PDE4D: variants seen among roughly 807,000 people sequenced by gnomAD.
PDE4D encodes 3',5'-cyclic-AMP phosphodiesterase 4D.
In PDE4D, 24 loss-of-function variants were observed where a neutral mutation model predicts 87.4. The ratio of observed to expected loss-of-function variants is 0.27; its 90% CI spans 0.20 to 0.39. The LOEUF (loss-of-function observed/expected upper bound fraction) is 0.39, where lower values mean the gene tolerates loss of function less well. Among genes scored for constraint, PDE4D ranks in the 10% least tolerant of loss-of-function variants. PDE4D has a pLI of 1.00. For missense variants in PDE4D, 714 were observed against 1,041.0 expected (o/e 0.69, Z 4.32); for synonymous variants, 384 against 383.2 (o/e 1.00, Z -0.02).
intron 1 of PDE4D, among the ~76,000 whole-genome samples, chr5:59,669,498 G>A (rs759821094): frequency 1.3e-5 from 2 of 152,144 alleles, no homozygotes; most frequent in African/African-American, 2.4e-5. Context: ...GACAGATGAA[G>A]TGCTTTTTGA....
At chr5:60,406,478 G>A (rs1435579006) in intron 1 of PDE4D, among the ~76,000 whole-genome samples, 3 of 152,076 alleles carry the variant, frequency 2.0e-5, no homozygotes, top group Non-Finnish European at 4.4e-5. Context: ...AGAGTCCAGG[G>A]TTTCTAATAC....
chr5:59,679,164 C>G (rs1490717140), intron 1 of PDE4D, among the ~76,000 whole-genome samples: 9 of 152,306 alleles, frequency 5.9e-5, no homozygotes, highest in African/African-American at 2.2e-4. Flanking sequence ...CATAATAACT[C>G]AATCCTTATT....
intron 5 of PDE4D, among the ~76,000 whole-genome samples, chr5:59,086,686 C>T (rs1359364123): frequency 1.3e-5 from 2 of 152,140 alleles, no homozygotes; most frequent in Non-Finnish European, 2.9e-5. Context: ...TTTACCCTAT[C>T]TGCAGTTTTT....
At chr5:59,904,983 G>A (rs1752667627) in intron 3 of PDE4D, among the ~76,000 whole-genome samples, 1 of 151,918 alleles carries the variant, frequency 6.6e-6, no homozygotes, top group African/African-American at 2.4e-5. Context: ...AGTTTTTAAT[G>A]TGTTTGCTTG....
chr5:59,279,813 T>TTGTG (rs10664902), intron 1 of PDE4D, among the ~76,000 whole-genome samples: 4,204 of 148,342 alleles, frequency 0.028, 202 homozygotes, highest in African/African-American at 0.095. Flanking sequence ...ATGTGTGTGT[T>TTGTG]TGTGTGTGTG....
chr5:59,088,215 G>A (rs1008525812), intron 5 of PDE4D, among the ~76,000 whole-genome samples: 2 of 151,834 alleles, frequency 1.3e-5, no homozygotes, highest in African/African-American at 4.8e-5. Flanking sequence ...CATCATCCTT[G>A]CCTCCAAAAA....
intron 11 of PDE4D, among the ~76,000 whole-genome samples, chr5:58,978,906 ATAT>A (rs1170929389): frequency 6.6e-5 from 10 of 152,212 alleles, no homozygotes; most frequent in African/African-American, 1.9e-4. Context: ...TTCTTAGCAC[ATAT>A]TATTGTATTT....
chr5:59,387,176 CA>C (rs1787247257), intron 1 of PDE4D, among the ~76,000 whole-genome samples: 1 of 152,098 alleles, frequency 6.6e-6, no homozygotes, highest in African/African-American at 2.4e-5. Flanking sequence ...TGTAAGCAAA[CA>C]AAAAGTTAAC....
chr5:59,250,212 T>G (rs1172551857), intron 1 of PDE4D, among the ~76,000 whole-genome samples: 1 of 150,780 alleles, frequency 6.6e-6, no homozygotes, highest in African/African-American at 2.4e-5. Flanking sequence ...TTTTAAGGGC[T>G]GGGCATGGTG....
intron 1 of PDE4D, among the ~76,000 whole-genome samples, chr5:59,597,618 T>A (rs1315281876): frequency 6.6e-6 from 1 of 152,104 alleles, no homozygotes; most frequent in African/African-American, 2.4e-5. Context: ...AAAGGCAGAA[T>A]TCCTTTTTAG....
intron 1 of PDE4D, among the ~76,000 whole-genome samples, chr5:60,269,974 G>T (rs1750643646): frequency 1.3e-5 from 2 of 152,196 alleles, no homozygotes; most frequent in African/African-American, 4.8e-5. Flanking sequence ...TTTTATCTGA[G>T]AACTTGAACC....
At chr5:59,914,866 G>GGTGTGT (rs3062699) in intron 3 of PDE4D, among the ~76,000 whole-genome samples, 13,330 of 122,242 alleles carry the variant, frequency 0.11, 823 homozygotes, top group Non-Finnish European at 0.14. Flanking sequence ...TACTGATAGG[G>GGTGTGT]GTGTGTGTGT....
At chr5:59,043,933 A>C (rs1029181038) in intron 5 of PDE4D, among the ~76,000 whole-genome samples, 4 of 152,006 alleles carry the variant, frequency 2.6e-5, no homozygotes, top group African/African-American at 9.7e-5. Context: ...TATGTGCCAC[A>C]TTTTCTTAAT....
At chr5:59,039,408 G>C (rs1455425769) in intron 5 of PDE4D, 1 of 1,002,590 alleles carries the variant, frequency 1.0e-6, no homozygotes, top group East Asian at 1.1e-4. Context: ...GGATCTCCTC[G>C]GTCCCCAACC....
intron 1 of PDE4D, among the ~76,000 whole-genome samples, chr5:59,223,453 T>G (rs1451746719): frequency 6.6e-6 from 1 of 152,090 alleles, no homozygotes; most frequent in East Asian, 1.9e-4. Context: ...AGCCAACACA[T>G]TGGAACTCAT....
At chr5:59,630,546 T>C (rs1303427994) in intron 1 of PDE4D, among the ~76,000 whole-genome samples, 2 of 152,218 alleles carry the variant, frequency 1.3e-5, no homozygotes, top group Non-Finnish European at 2.9e-5. Flanking sequence ...AAAGCCCTTG[T>C]GAGTGGATAG....
intron 2 of PDE4D, among the ~76,000 whole-genome samples, chr5:60,121,006 C>T (rs904239555): frequency 2.6e-5 from 4 of 152,128 alleles, no homozygotes; most frequent in South Asian, 2.1e-4. Context: ...AATGTGAAAA[C>T]ATGAGACTGG....
At chr5:60,210,550 G>A (rs1237938285) in intron 1 of PDE4D, among the ~76,000 whole-genome samples, 1 of 151,902 alleles carries the variant, frequency 6.6e-6, no homozygotes, top group South Asian at 2.1e-4. Context: ...TGCTTATTTA[G>A]CAAAAGATAG....
intron 1 of PDE4D, among the ~76,000 whole-genome samples, chr5:60,425,314 T>C (rs1047130461): frequency 1.2e-4 from 18 of 152,290 alleles, no homozygotes; most frequent in African/African-American, 3.1e-4. Flanking sequence ...CAAAACAGCA[T>C]GGTACTGGTA....
Sources: allele counts gnomAD v4.1 joint callset (sites outside exome capture counted in the v4.1 genomes callset), GRCh38; gene constraint gnomAD v4.1.1; transcripts MANE v1.5; gene names NCBI Gene and HGNC (gene_info 2026-07-23, HGNC 2026-07-21).